ATXN8OS: variants seen among roughly 807,000 people sequenced by gnomAD.
The protein encoded by ATXN8OS is ATXN8 opposite strand (non-protein coding).
At chr13:70,156,232 T>C (rs1888934334) in intron 4 of ATXN8OS, among the ~76,000 whole-genome samples, 1 of 137,292 alleles carries the variant, frequency 7.3e-6, no homozygotes, top group Non-Finnish European at 1.6e-5. Flanking sequence ...CAGGTGGGTA[T>C]GGGTGGGTAT....
exon 1 of ATXN8OS, chr13:70,107,900 C>T (rs868002168): frequency 1.7e-5 from 9 of 521,488 alleles, no homozygotes; most frequent in Middle Eastern, 9.8e-4. Flanking sequence ...GCGTTTCAGC[C>T]GTGGTCGGGT....
At chr13:70,139,380 A>ACTACTACTACTACTACTT in intron 3 of ATXN8OS, 1 of 563,580 alleles carries the variant, frequency 1.8e-6, no homozygotes, top group East Asian at 3.2e-5. Context: ...TACTACTACT[A>ACTACTACTACTACTACTT]CTACTGCTGC....
intron 4 of ATXN8OS, among the ~76,000 whole-genome samples, chr13:70,158,789 T>C (rs1198264496): frequency 6.6e-6 from 1 of 152,202 alleles, no homozygotes; most frequent in Non-Finnish European, 1.5e-5. Context: ...GCAATATCTC[T>C]TGATTTTTGC....
intron 3 of ATXN8OS, among the ~76,000 whole-genome samples, chr13:70,135,263 C>T (rs1361163573): frequency 1.3e-5 from 2 of 152,162 alleles, no homozygotes; most frequent in South Asian, 2.1e-4. Context: ...CTATGTGACA[C>T]GTCAGATCTT....
chr13:70,163,352 A>C (rs1049312992), intron 4 of ATXN8OS, among the ~76,000 whole-genome samples: 19 of 151,934 alleles, frequency 1.3e-4, no homozygotes, highest in Non-Finnish European at 2.6e-4. Context: ...CCAGGATCTT[A>C]ATTATTACAC....
chr13:70,168,872 T>C (rs967740367), intron 4 of ATXN8OS, among the ~76,000 whole-genome samples: 3 of 152,152 alleles, frequency 2.0e-5, no homozygotes, highest in Non-Finnish European at 4.4e-5. Context: ...TTTTATTTGT[T>C]AGTATGGATT....
intron 4 of ATXN8OS, among the ~76,000 whole-genome samples, chr13:70,155,291 A>G (rs1001197933): frequency 6.6e-6 from 1 of 152,198 alleles, no homozygotes; most frequent in African/African-American, 2.4e-5. Flanking sequence ...AAGCTTCAAG[A>G]AATCTGCTCC....
At position 70,170,834 on chromosome 13, in the gene ATXN8OS, A is replaced by G. The variant is rs139152421; in HGVS notation, n.1655A>G. 9.5e-3 allele frequency among the ~76,000 whole-genome samples: 1,444 copies of G among 152,204 alleles called. 15 individuals are homozygous for G. Among genetic ancestry groups the G allele is most frequent in the African/African-American group, 0.033 (1,383 of 41,548 alleles). On this transcript the variant is annotated non_coding_transcript_exon_variant, in exon 5 of 5. Transcript: ENST00000678624. ...CTACTTACAAGTAATAGCCTACTAC[A>G]CACCTATGCTTTGTGGTGTAGCCTA...
At chr13:70,125,326 T>C (rs1029749323) in intron 2 of ATXN8OS, among the ~76,000 whole-genome samples, 6 of 152,294 alleles carry the variant, frequency 3.9e-5, no homozygotes, top group East Asian at 1.9e-4. Context: ...TACTTGTCAA[T>C]ATATTTTGAA....
At chr13:70,120,820 G>T (rs1888349578) in intron 2 of ATXN8OS, among the ~76,000 whole-genome samples, 1 of 148,744 alleles carries the variant, frequency 6.7e-6, no homozygotes. Flanking sequence ...CTATCACAAG[G>T]ACAAAAAACC....
At chr13:70,152,454 T>C (rs1888882348) in intron 4 of ATXN8OS, among the ~76,000 whole-genome samples, 1 of 152,154 alleles carries the variant, frequency 6.6e-6, no homozygotes, top group East Asian at 1.9e-4. Context: ...TGTATGTGTA[T>C]ATGTGTATAC....
intron 3 of ATXN8OS, among the ~76,000 whole-genome samples, chr13:70,135,379 G>C (rs971852028): frequency 6.6e-6 from 1 of 151,914 alleles, no homozygotes; most frequent in African/African-American, 2.4e-5. Flanking sequence ...CATGGTTACT[G>C]TTCTCATTAA....
intron 4 of ATXN8OS, among the ~76,000 whole-genome samples, chr13:70,164,397 C>T (rs1484733125): frequency 2.6e-5 from 4 of 151,400 alleles, no homozygotes; most frequent in Non-Finnish European, 2.9e-5. Flanking sequence ...GATAAGACAC[C>T]GTGAGGATGA....
chr13:70,131,288 A>T (rs1432775054), intron 3 of ATXN8OS: 2 of 398,376 alleles, frequency 5.0e-6, no homozygotes, highest in Non-Finnish European at 8.8e-6. Flanking sequence ...TGCTATGAAC[A>T]TCTCTTACCT....
rs1331474606 is a variant in ATXN8OS, at chr13:70,145,980, A to G, written n.500-1375A>G. Among the ~76,000 whole-genome samples, 1,077 of 144,650 alleles carry G rather than the reference A, an allele frequency of 7.4e-3. 13 individuals are homozygous for G. The highest frequency in any genetic ancestry group is 0.026 in the African/African-American group (1,005 of 39,242). 94.9% of individuals were successfully genotyped at this position (144,650 alleles called of 152,430 possible). A position where few individuals can be genotyped will look rare whatever the true frequency, so the allele number is the denominator to read the frequency against. On this transcript the variant is annotated intron_variant and non_coding_transcript_variant, in intron 3 of 4. Transcript: ENST00000678624. ...TACCATCAGAGTGAACAGGCAACCT[A>G]CAAAATGGGAGAAAATTTTCACAAC... is the stretch of plus-strand genomic sequence containing the variant.
At chr13:70,115,093 A>T (rs1423367373) in intron 1 of ATXN8OS, 3 of 397,098 alleles carry the variant, frequency 7.6e-6, no homozygotes, top group Non-Finnish European at 1.3e-5. Flanking sequence ...ATAACAGAAC[A>T]CTACATACTG....
intron 3 of ATXN8OS, among the ~76,000 whole-genome samples, chr13:70,144,327 T>C (rs1365937880): frequency 6.6e-6 from 1 of 152,142 alleles, no homozygotes; most frequent in Non-Finnish European, 1.5e-5. Context: ...GTAATGTGGC[T>C]CTAATTGTCA....
chr13:70,121,924 G>A (rs1377566339), intron 2 of ATXN8OS, among the ~76,000 whole-genome samples: 1 of 151,930 alleles, frequency 6.6e-6, no homozygotes, highest in East Asian at 1.9e-4. Flanking sequence ...GATTTTGTGG[G>A]ATGAAGTAAA....
intron 1 of ATXN8OS, among the ~76,000 whole-genome samples, chr13:70,113,475 A>G (rs748355857): frequency 3.3e-5 from 5 of 152,172 alleles, no homozygotes; most frequent in African/African-American, 4.8e-5. Flanking sequence ...CCTAGCATTA[A>G]AAAAGTAATT....
Sources: gnomAD v4.1 joint callset for allele counts (sites outside exome capture counted in the v4.1 genomes callset) on GRCh38, gnomAD v4.1.1 for gene constraint, MANE v1.5 for transcripts, NCBI Gene and HGNC (gene_info 2026-07-23, HGNC 2026-07-21) for gene names.